PHF20L1: variants seen among roughly 807,000 people sequenced by gnomAD.
PHF20L1 encodes PHD finger protein 20-like protein 1.
A neutral mutation model predicts 125.5 loss-of-function variants in PHF20L1; 44 were observed. The ratio of observed to expected loss-of-function variants is 0.35; its 90% CI spans 0.28 to 0.45. The LOEUF (loss-of-function observed/expected upper bound fraction) is 0.45. Among genes scored for constraint, PHF20L1 ranks in the 20% least tolerant of loss-of-function variants. The pLI is 1.00. For synonymous variants in PHF20L1, 380 were observed against 403.1 expected, an observed-to-expected ratio of 0.94 and a Z score of 0.69; for missense variants, 1,012 against 1,217.2, an observed-to-expected ratio of 0.83 and a Z score of 2.51.
At chr8:132,808,897 G>A (rs981257975) in intron 8 of PHF20L1, 1 of 149,622 alleles carries the variant, frequency 6.7e-6, no homozygotes, top group African/African-American at 2.5e-5. Context: ...TTAATATAGA[G>A]ATGGGGTCTT....
intron 16 of PHF20L1, 94 bp downstream of exon 16, chr8:132,836,815 A>G (rs982574197): frequency 1.2e-6 from 1 of 867,084 alleles, no homozygotes; most frequent in Non-Finnish European, 1.8e-6. Context: ...TGACTGTACT[A>G]CTGAAGATAG....
At chr8:132,835,164 A>G (rs750031728) in intron 15 of PHF20L1, among the ~76,000 whole-genome samples, 1 of 152,108 alleles carries the variant, frequency 6.6e-6, no homozygotes, top group African/African-American at 2.4e-5. Context: ...GAGTGGCTAT[A>G]TTATATATCA....
chr8:132,806,058 T>C (rs2131583950), intron 8 of PHF20L1, among the ~76,000 whole-genome samples: 1 of 152,104 alleles, frequency 6.6e-6, no homozygotes, highest in South Asian at 2.1e-4. Context: ...TTCTAACTCC[T>C]GTGATACAAA....
rs1448397196 is a variant in PHF20L1 at position 132,808,093 on chromosome 8, G to A, written c.848-2953G>A. On this transcript the variant is annotated intron_variant, in intron 8 of 20. Coordinates refer to ENST00000395386, the MANE Select transcript of PHF20L1 (RefSeq NM_016018.5). ...TCTTCAAGTACCTATTTTGTTATTT[G>A]TTCCATTTTATTGTTTATATTTAAT... 9.1e-5 allele frequency: 14 copies of A among 153,930 alleles called. 1 individual carries two copies. In the Admixed American group the frequency reaches 9.1e-4, roughly 10 times the overall value. 9.5% of individuals were successfully genotyped at this position (153,930 alleles called of 1,614,324 possible).
chr8:132,785,808 T>C (rs1428815453), intron 2 of PHF20L1, among the ~76,000 whole-genome samples: 1 of 152,094 alleles, frequency 6.6e-6, no homozygotes, highest in African/African-American at 2.4e-5. Flanking sequence ...GTTTTCTTAT[T>C]GCCAAAAAAG....
intron 12 of PHF20L1, among the ~76,000 whole-genome samples, chr8:132,820,185 T>A (rs952493440): frequency 1.3e-5 from 2 of 151,858 alleles, no homozygotes; most frequent in Non-Finnish European, 2.9e-5. Context: ...GATGCCTTTG[T>A]TTTTATTTTA....
At chr8:132,842,922 C>A (rs779840688) in intron 19 of PHF20L1, 47 bp downstream of exon 19, 13 of 1,529,792 alleles carry the variant, frequency 8.5e-6, no homozygotes, top group Middle Eastern at 1.8e-4. Context: ...GAGAGAAGAA[C>A]AAAGGAAAAT....
At chr8:132,795,440 C>G (rs563288478) in intron 4 of PHF20L1, among the ~76,000 whole-genome samples, 9 of 152,076 alleles carry the variant, frequency 5.9e-5, no homozygotes, top group African/African-American at 1.9e-4. Flanking sequence ...TTGCATAAGA[C>G]TGGGAAATCT....
intron 15 of PHF20L1, among the ~76,000 whole-genome samples, chr8:132,832,686 G>A (rs541933465): frequency 6.6e-6 from 1 of 152,124 alleles, no homozygotes; most frequent in African/African-American, 2.4e-5. Context: ...GACAGAGTAG[G>A]TATTATTCAC....
intron 2 of PHF20L1, among the ~76,000 whole-genome samples, chr8:132,783,814 T>G (rs1371799531): frequency 6.6e-6 from 1 of 152,154 alleles, no homozygotes; most frequent in Non-Finnish European, 1.5e-5. Flanking sequence ...TCAAAATAAA[T>G]GAATTACATA....
At chr8:132,813,479 A>T (rs559368188) in intron 9 of PHF20L1, among the ~76,000 whole-genome samples, 3 of 152,036 alleles carry the variant, frequency 2.0e-5, no homozygotes, top group Non-Finnish European at 4.4e-5. Context: ...TGGGAACAGA[A>T]TTATTTATTT....
chr8:132,826,431 A>G (rs945421144), intron 14 of PHF20L1: 1 of 152,066 alleles, frequency 6.6e-6, no homozygotes, highest in Admixed American at 6.6e-5. Flanking sequence ...TGCATCAAAT[A>G]TGAGAGTGTT....
intron 14 of PHF20L1, among the ~76,000 whole-genome samples, chr8:132,829,931 A>G (rs1422991035): frequency 6.6e-6 from 1 of 152,084 alleles, no homozygotes; most frequent in Non-Finnish European, 1.5e-5. Flanking sequence ...GCCCTCAATC[A>G]GTGTTGGTTG....
chr8:132,832,387 C>G lies in PHF20L1; in HGVS notation c.1897C>G (p.Leu633Val), dbSNP rs1305539991. ...CCCAAGGGCAATTCTATCCGTTGAT[C>G]TTAGTGGTGAAAGTATGTGTAACCA... ...QYPRAILSVDLSGENLSDVDF... is the reference protein window; with the variant it reads ...QYPRAILSVDVSGENLSDVDF... Residue 633 changes from leucine to valine, a missense_variant, in exon 15 of 21, where the codon CTT becomes GTT. By Grantham distance (32) the Leu-to-Val change is conservative (BLOSUM62 1). This residue lies in a region of PHF20L1 where 320 missense variants were observed against 293.8 expected (regional missense o/e 1.09). Coordinates refer to ENST00000395386, the MANE Select transcript of PHF20L1 (RefSeq NM_016018.5). 4.3e-6 allele frequency: 7 copies of G among 1,610,316 alleles called. No individual in the cohort carries two copies. The African/African-American group carries it at 8.0e-5, about 18-fold the overall frequency.
intron 15 of PHF20L1, among the ~76,000 whole-genome samples, chr8:132,835,446 C>T (rs1276471110): frequency 6.6e-6 from 1 of 152,024 alleles, no homozygotes; most frequent in African/African-American, 2.4e-5. Flanking sequence ...TTTAGTGTTC[C>T]ATCATCATTT....
intron 2 of PHF20L1, among the ~76,000 whole-genome samples, chr8:132,791,713 A>C (rs1281104791): frequency 6.6e-6 from 1 of 152,212 alleles, no homozygotes. Flanking sequence ...ATTAGTGAAC[A>C]TGATAAAAAT....
At chr8:132,792,500 C>A (rs985103800) in intron 2 of PHF20L1, among the ~76,000 whole-genome samples, 12 of 152,166 alleles carry the variant, frequency 7.9e-5, no homozygotes, top group Admixed American at 2.6e-4. Context: ...TTACTCCCCC[C>A]AAAAGACTAA....
chr8:132,814,208 G>A (rs772459158), intron 9 of PHF20L1, among the ~76,000 whole-genome samples: 1 of 151,938 alleles, frequency 6.6e-6, no homozygotes, highest in East Asian at 1.9e-4. Flanking sequence ...TAAAAGAAAA[G>A]ATTTTATAAG....
At chr8:132,826,171 A>G (rs1353153699) in intron 14 of PHF20L1, 1 of 152,134 alleles carries the variant, frequency 6.6e-6, no homozygotes, top group East Asian at 1.9e-4. Context: ...AATGTGTTAA[A>G]AGGATATGAC....
Sources: allele counts gnomAD v4.1 joint callset (sites outside exome capture counted in the v4.1 genomes callset), GRCh38; gene constraint gnomAD v4.1.1; regional missense constraint gnomAD v4.1.1; transcripts MANE v1.5; gene names NCBI Gene and HGNC (gene_info 2026-07-23, HGNC 2026-07-21).